UXT: variants seen among roughly 807,000 people sequenced by gnomAD.
UXT encodes the protein protein UXT.
For synonymous variants in UXT, 54 were observed against 52.8 expected (o/e 1.02, Z -0.10); for missense variants, 111 against 132.7 (o/e 0.84, Z 0.80).
chrX:47,658,876 G>A lies in UXT; in HGVS notation c.88C>T (p.Leu30=). Residue 30 remains leucine (L), a synonymous_variant, in exon 1 of 6, where the codon CTG becomes TTG. Transcript: ENST00000335890. ...TCACTGATGAAGGTCTCGTAGCGCA[G>A]CACTTTCTCCCCCGTGGCCTCCACC... 8.6e-7 allele frequency: 1 copy of A among 1,169,269 alleles called. No individual in the cohort carries two copies. Among genetic ancestry groups the A allele is most frequent in the Non-Finnish European group, 1.1e-6 (1 of 873,167 alleles).
At chrX:47,658,077 G>T (rs2058089854) in intron 1 of UXT, among the ~76,000 whole-genome samples, 1 of 111,009 alleles carries the variant, frequency 9.0e-6, no homozygotes, top group Admixed American at 9.6e-5. Flanking sequence ...TAACCTGTTT[G>T]GGACTCAGTT....
In UXT at chrX:47,658,882, T is replaced by C; in HGVS notation, c.82A>G (p.Lys28Glu). 1 of 1,172,001 alleles carries C rather than the reference T, an allele frequency of 8.5e-7. No homozygotes were observed. The highest frequency in any genetic ancestry group is 1.1e-6 in the Non-Finnish European group (1 of 874,489). Residue 28 changes from lysine (K) to glutamate (E), a missense_variant, in exon 1 of 6, where the codon AAA becomes GAA. By Grantham distance (56) the Lys-to-Glu change is moderately conservative (BLOSUM62 1). Coordinates refer to ENST00000335890, the MANE Select transcript of UXT (RefSeq NM_153477.3). ...ATGAAGGTCTCGTAGCGCAGCACTT[T>C]CTCCCCCGTGGCCTCCACCGCCCGC...
chrX:47,652,099 A>G lies in UXT; in HGVS notation c.438T>C (p.His146=), dbSNP rs150278179. The G allele has an allele frequency of 3.3e-6, 4 of 1,207,801 alleles. No individual in the cohort carries two copies. The highest frequency in any genetic ancestry group is 4.5e-6 in the Non-Finnish European group (4 of 894,073). ...CTCTCACCTCTAGCAACATGTGGAT[A>G]TGGGCTTTGATATTCATGGAGTCCT... Residue 146 remains histidine, a synonymous_variant, in exon 5 of 6, where the codon CAT becomes CAC. Coordinates refer to ENST00000335890, the MANE Select transcript of UXT (RefSeq NM_153477.3).
rs374693772 is a variant in UXT, at chrX:47,655,889, C to T, written c.392+1294G>A. On this transcript the variant is annotated intron_variant, in intron 4 of 5. Transcript: ENST00000335890. ...CCAGTGGGCCACATGCGGTCCAGGA[C>T]GGCTTTGAATGCAGCCCAACACAAA... is the stretch of plus-strand genomic sequence containing the variant. Among the ~76,000 whole-genome samples, 3 of 112,403 alleles carry T rather than the reference C, an allele frequency of 2.7e-5. No individual in the cohort carries two copies. In the East Asian group the frequency reaches 8.3e-4, roughly 31 times the overall value.
chrX:47,656,477 A>G (rs920735341), intron 4 of UXT, among the ~76,000 whole-genome samples: 1 of 112,190 alleles, frequency 8.9e-6, no homozygotes, highest in African/African-American at 3.2e-5. Flanking sequence ...GAAATTACAT[A>G]GTAAATATTA....
Position 47,659,101 on chromosome X carries a change from A to G in UXT, c.-138T>C, listed in dbSNP as rs941098652. 3.0e-6 allele frequency: 3 copies of G among 986,564 alleles called. No individual in the cohort carries two copies. The highest frequency in any genetic ancestry group is 4.2e-6 in the Non-Finnish European group (3 of 709,606). 81.3% of individuals were successfully genotyped at this position (986,564 alleles called of 1,213,427 possible). On this transcript the variant is annotated 5_prime_UTR_variant, in exon 1 of 6. Coordinates refer to ENST00000335890, the MANE Select transcript of UXT (RefSeq NM_153477.3). ...GGACCCGACCACCCAGGGACACCCAAGCGCGGCCTTTACCTCAGGCCGCCA... is the reference window on the plus strand; with the variant it reads ...GGACCCGACCACCCAGGGACACCCAGGCGCGGCCTTTACCTCAGGCCGCCA...
chrX:47,657,263 G>C lies in UXT; in HGVS notation c.312C>G (p.Ala104=). The C allele has an allele frequency of 8.3e-7, 1 of 1,207,003 alleles. No homozygotes were observed. Among genetic ancestry groups the C allele is most frequent in the Non-Finnish European group, 1.1e-6 (1 of 892,892 alleles). The change falls in exon 4 of 6, where the codon GCC becomes GCG. Residue 104 remains alanine (A), a synonymous_variant. Transcript: ENST00000335890. ...ACTCCAGGAAAAAACCATATCCCAGGGCCACATAGATGCGTGAAGTATCTG... is the reference window on the plus strand; with the variant it reads ...ACTCCAGGAAAAAACCATATCCCAGCGCCACATAGATGCGTGAAGTATCTG...
chrX:47,656,026 C>T, intron 4 of UXT, among the ~76,000 whole-genome samples: 1 of 111,293 alleles, frequency 9.0e-6, no homozygotes, highest in Non-Finnish European at 1.9e-5. Context: ...GACAAATCTC[C>T]CAATGTGGCC....
intron 4 of UXT, among the ~76,000 whole-genome samples, chrX:47,652,714 T>G (rs1294788909): frequency 1.8e-5 from 2 of 110,655 alleles, no homozygotes; most frequent in Non-Finnish European, 3.8e-5. Context: ...TGGAGAAGAA[T>G]AAGTGAAGGG....
intron 4 of UXT, chrX:47,654,106 A>G (rs2058076356): frequency 1.3e-6 from 1 of 750,100 alleles, no homozygotes; most frequent in African/African-American, 2.3e-5. Context: ...GTAACACAAA[A>G]GGGATATGTT....
intron 4 of UXT, among the ~76,000 whole-genome samples, chrX:47,653,143 G>C (rs773522963): frequency 1.1e-4 from 12 of 111,456 alleles, no homozygotes; most frequent in African/African-American, 3.6e-4. Context: ...GATAGGAAGA[G>C]GTTAGATCAC....
rs202247525 is a variant in UXT, at chrX:47,658,802, A to G, written c.134+28T>C. On this transcript the variant is annotated intron_variant, in intron 1 of 5. Transcript: ENST00000335890. ...CCACCCACCACGTGGAATGTTCCAAACGCCCCGCCCCCCGCACTGTCACTC... is the reference window on the plus strand; with the variant it reads ...CCACCCACCACGTGGAATGTTCCAAGCGCCCCGCCCCCCGCACTGTCACTC... The G allele has an allele frequency of 7.9e-5, 89 of 1,125,115 alleles. No homozygotes were observed. In the African/African-American group the frequency reaches 1.4e-3, roughly 18 times the overall value. The allele number at this position is 1,125,115 out of a possible 1,213,427, so 92.7% of individuals were successfully genotyped here. A position where few individuals can be genotyped will look rare whatever the true frequency, so the allele number is the denominator to read the frequency against.
intron 5 of UXT, 66 bp downstream of exon 6, chrX:47,652,015 G>T (rs980874833): frequency 2.5e-6 from 3 of 1,178,482 alleles, no homozygotes; most frequent in South Asian, 1.8e-5. Context: ...CCCTTCTTTC[G>T]CTCTCTTCCT....
At chrX:47,651,953 C>G in intron 5 of UXT, 58 bp from the exon 7 acceptor site, 1 of 1,187,384 alleles carries the variant, frequency 8.4e-7, no homozygotes, top group Non-Finnish European at 1.1e-6. Context: ...CGCCCCCAGG[C>G]TTGCTCTGAC....
chrX:47,652,198 C>A, intron 4 of UXT, 54 bp from the exon 6 acceptor site: 2 of 1,043,699 alleles, frequency 1.9e-6, no homozygotes, highest in South Asian at 4.0e-5. Context: ...TTATGATGAC[C>A]CTTCCTTATC....
At chrX:47,658,332 C>T (rs892391864) in intron 1 of UXT, among the ~76,000 whole-genome samples, 80 of 111,690 alleles carry the variant, frequency 7.2e-4, no homozygotes, top group African/African-American at 2.4e-3. Context: ...CACCTTATTT[C>T]CTGCTTAGAT....
intron 1 of UXT, among the ~76,000 whole-genome samples, chrX:47,658,333 C>T (rs1360648063): frequency 9.0e-6 from 1 of 111,712 alleles, no homozygotes; most frequent in Non-Finnish European, 1.9e-5. Flanking sequence ...ACCTTATTTC[C>T]TGCTTAGATT....
intron 4 of UXT, among the ~76,000 whole-genome samples, chrX:47,652,921 C>T (rs2058072468): frequency 9.0e-6 from 1 of 111,720 alleles, no homozygotes; most frequent in Admixed American, 9.5e-5. Context: ...CAGATCTCGC[C>T]CAAAAGAATC....
chrX:47,653,795 C>T (rs943278609), intron 4 of UXT, among the ~76,000 whole-genome samples: 7 of 111,589 alleles, frequency 6.3e-5, no homozygotes, highest in Admixed American at 9.5e-5. Flanking sequence ...AGGCACCCAA[C>T]GTATGTTGAA....
Sources: gnomAD v4.1 joint callset for allele counts (sites outside exome capture counted in the v4.1 genomes callset) on GRCh38, gnomAD v4.1.1 for gene constraint, MANE v1.5 for transcripts, NCBI Gene and HGNC (gene_info 2026-07-23, HGNC 2026-07-21) for gene names.